COL6A5: variants seen among roughly 807,000 people sequenced by gnomAD.
COL6A5 encodes the protein collagen alpha-5(VI) chain.
Under a neutral mutation model 65.6 loss-of-function variants are expected in COL6A5, and 48 were observed. The ratio of observed to expected loss-of-function variants is 0.73; its 90% CI spans 0.58 to 0.93. COL6A5 has a LOEUF of 0.93. COL6A5 is among the 40% of genes least tolerant of loss of function. The pLI is 0.00. For missense variants in COL6A5, 914 were observed against 928.3 expected, an observed-to-expected ratio of 0.98 and a Z score of 0.20; for synonymous variants, 291 against 322.8, an observed-to-expected ratio of 0.90 and a Z score of 1.05.
intron 24 of COL6A5, 77 bp from the exon 25 acceptor site, chr3:130,418,792 C>A: frequency 8.8e-7 from 1 of 1,132,794 alleles, no homozygotes; most frequent in Non-Finnish European, 1.3e-6. Flanking sequence ...GTCTCCTCAT[C>A]GAGTGGACAG....
chr3:130,346,195 G>A (rs1333471727), intron 1 of COL6A5, among the ~76,000 whole-genome samples: 1 of 152,224 alleles, frequency 6.6e-6, no homozygotes, highest in Non-Finnish European at 1.5e-5. Flanking sequence ...TATCCGAAGT[G>A]TGATGCAAGG....
At chr3:130,461,106 A>C (rs1709692816) in intron 5 of COL6A5, among the ~76,000 whole-genome samples, 1 of 152,030 alleles carries the variant, frequency 6.6e-6, no homozygotes, top group Non-Finnish European at 1.5e-5. Context: ...TTAAGCCCTG[A>C]AGTGGACTTT....
chr3:130,400,991 A>T, intron 10 of COL6A5, 40 bp from the exon 11 acceptor site: 1 of 1,468,664 alleles, frequency 6.8e-7, no homozygotes, highest in South Asian at 1.4e-5. Context: ...TTCATGTACA[A>T]CCCCTTTGCT....
chr3:130,426,085 A>G (rs1314572680), intron 29 of COL6A5, 129 bp from the exon 30 acceptor site: 1 of 818,822 alleles, frequency 1.2e-6, no homozygotes, highest in Non-Finnish European at 2.0e-6. Flanking sequence ...GGGTTCAGGA[A>G]TATTTTAACT....
chr3:130,379,561 T>C (rs1483791924), exon 4 of COL6A5: 5 of 1,551,436 alleles, frequency 3.2e-6, no homozygotes, highest in East Asian at 2.4e-5. Flanking sequence ...GAAGGAAAAT[T>C]GCATGCGACT....
chr3:130,470,990 TG>T (rs1709937570), intron 7 of COL6A5, 23 bp downstream of exon 39: 1 of 1,522,970 alleles, frequency 6.6e-7, no homozygotes, highest in Admixed American at 1.7e-5. Context: ...ATTCCAAGTT[TG>T]GGTAATACCA....
intron 1 of COL6A5, among the ~76,000 whole-genome samples, chr3:130,435,956 A>T (rs956861197): frequency 1.3e-5 from 2 of 152,174 alleles, no homozygotes; most frequent in Non-Finnish European, 2.9e-5. Context: ...CCTGGCCAGA[A>T]CTTCCTATAA....
At chr3:130,392,936 C>T (rs1001193840) in intron 7 of COL6A5, among the ~76,000 whole-genome samples, 1 of 152,134 alleles carries the variant, frequency 6.6e-6, no homozygotes. Flanking sequence ...TCTGCCTGTT[C>T]CATCCTCTCC....
At chr3:130,442,423 A>C (rs1709206828) in intron 3 of COL6A5, among the ~76,000 whole-genome samples, 2 of 152,146 alleles carry the variant, frequency 1.3e-5, no homozygotes, top group South Asian at 4.1e-4. Context: ...ATGATTATGC[A>C]ATATTTGTAA....
At chr3:130,346,127 T>C in intron 1 of COL6A5, 146 bp downstream of exon 1, 1 of 397,414 alleles carries the variant, frequency 2.5e-6, no homozygotes, top group East Asian at 3.6e-5. Flanking sequence ...ATTTTACAGA[T>C]GGTTAAGACA....
At chr3:130,380,018 C>G in exon 4 of COL6A5, 1 of 1,547,118 alleles carries the variant, frequency 6.5e-7, no homozygotes, top group Non-Finnish European at 8.7e-7. Flanking sequence ...CAAATTTCTA[C>G]TTATGCTGAA....
At chr3:130,401,964 C>A in intron 12 of COL6A5, 110 bp downstream of exon 12, 1 of 762,298 alleles carries the variant, frequency 1.3e-6, no homozygotes, top group Non-Finnish European at 2.1e-6. Flanking sequence ...AATGGAATTG[C>A]TTTGGACATT....
chr3:130,408,447 G>A (rs533678586), intron 17 of COL6A5, among the ~76,000 whole-genome samples: 10 of 152,212 alleles, frequency 6.6e-5, no homozygotes, highest in African/African-American at 2.2e-4. Context: ...GTCTGCTCGC[G>A]AACACTGTTT....
chr3:130,455,350 T>C (rs1429455968), intron 4 of COL6A5, 105 bp from the exon 37 acceptor site: 9 of 643,694 alleles, frequency 1.4e-5, no homozygotes, highest in Admixed American at 8.7e-5. Context: ...CACCACCCAA[T>C]TGGTTTTTTA....
intron 24 of COL6A5, among the ~76,000 whole-genome samples, chr3:130,417,310 C>T (rs1246579973): frequency 6.6e-6 from 1 of 152,038 alleles, no homozygotes; most frequent in African/African-American, 2.4e-5. Context: ...TTTCAAATAC[C>T]AAAGTACCTC....
chr3:130,421,189 C>T (rs769436293), exon 26 of COL6A5: 29 of 1,550,168 alleles, frequency 1.9e-5, no homozygotes, highest in Admixed American at 5.9e-5. Flanking sequence ...TCAGATGGGA[C>T]GAAAAGGAGT....
chr3:130,437,026 C>T (rs1458936221), intron 1 of COL6A5, among the ~76,000 whole-genome samples: 1 of 152,136 alleles, frequency 6.6e-6, no homozygotes, highest in Non-Finnish European at 1.5e-5. Flanking sequence ...AATGAAGCTT[C>T]TAATTTTTTC....
At chr3:130,469,410 T>C (rs1709895242) in exon 6 of COL6A5, 2 of 1,613,042 alleles carry the variant, frequency 1.2e-6, no homozygotes, top group South Asian at 1.1e-5. Context: ...TTGGTCCAAC[T>C]TGGCCGAACC....
intron 2 of COL6A5, among the ~76,000 whole-genome samples, chr3:130,375,529 C>G (rs1031656360): frequency 3.3e-5 from 5 of 152,110 alleles, no homozygotes; most frequent in Admixed American, 2.6e-4. Flanking sequence ...AGACTCTGTT[C>G]TCCCACCTGA....
Sources: allele counts gnomAD v4.1 joint callset (sites outside exome capture counted in the v4.1 genomes callset), GRCh38; gene constraint gnomAD v4.1.1; transcripts MANE v1.5; gene names NCBI Gene and HGNC (gene_info 2026-07-23, HGNC 2026-07-21).